Variants in THSD4 observed in about 807,000 individuals in gnomAD.
THSD4 encodes the protein thrombospondin type 1 domain containing 4.
Under a neutral mutation model 119.0 loss-of-function variants are expected in THSD4, and 69 were observed. The ratio of observed to expected loss-of-function variants is 0.58; its 90% CI spans 0.48 to 0.71. THSD4 has a LOEUF of 0.71. THSD4 is among the 30% of genes least tolerant of loss of function. The probability of loss-of-function intolerance (pLI) is 0.00; values close to 1 mark genes in which losing one functional copy is unlikely to be tolerated. For missense variants in THSD4, 1,393 were observed against 1,391.1 expected (o/e 1.00, Z -0.02); for synonymous variants, 524 against 540.4 (o/e 0.97, Z 0.42).
At chr15:71,727,031 A>G (rs979159700) in intron 8 of THSD4, among the ~76,000 whole-genome samples, 3 of 151,694 alleles carry the variant, frequency 2.0e-5, no homozygotes, top group Admixed American at 2.0e-4. Flanking sequence ...CTATTTCCAG[A>G]TGCCACCCTT....
intron 2 of THSD4, among the ~76,000 whole-genome samples, chr15:71,150,966 A>G (rs2040716436): frequency 6.6e-6 from 1 of 152,170 alleles, no homozygotes; most frequent in African/African-American, 2.4e-5. Context: ...TAGTGACAAA[A>G]CAAACTCCCT....
intron 7 of THSD4, among the ~76,000 whole-genome samples, chr15:71,480,874 C>T (rs2140665776): frequency 6.6e-6 from 1 of 152,344 alleles, no homozygotes; most frequent in East Asian, 1.9e-4. Flanking sequence ...CTACCATAGT[C>T]TATCTTCATT....
chr15:71,663,844 G>T (rs1402770595), intron 8 of THSD4, among the ~76,000 whole-genome samples: 2 of 152,086 alleles, frequency 1.3e-5, no homozygotes, highest in Non-Finnish European at 2.9e-5. Flanking sequence ...GTGAGTTCTG[G>T]CTATGAAAAC....
chr15:71,557,789 C>G (rs2049043381), intron 7 of THSD4, among the ~76,000 whole-genome samples: 1 of 152,154 alleles, frequency 6.6e-6, no homozygotes, highest in Non-Finnish European at 1.5e-5. Context: ...TAATTATCTA[C>G]AGCATCTGCA....
At chr15:71,543,549 T>C (rs970274261) in intron 7 of THSD4, among the ~76,000 whole-genome samples, 2 of 152,140 alleles carry the variant, frequency 1.3e-5, no homozygotes, top group Non-Finnish European at 2.9e-5. Context: ...GGGAATTATA[T>C]GGATAATGAT....
chr15:71,263,904 G>A (rs79901965), intron 6 of THSD4, among the ~76,000 whole-genome samples: 4,208 of 152,298 alleles, frequency 0.028, 92 homozygotes, highest in Middle Eastern at 0.048. Context: ...TGCCTTCCTC[G>A]TTAAGTCCAG....
At chr15:71,593,919 C>CT (rs1555430255) in intron 7 of THSD4, among the ~76,000 whole-genome samples, 2,980 of 149,752 alleles carry the variant, frequency 0.02, 95 homozygotes, top group African/African-American at 0.068. Flanking sequence ...CCCACCCCCC[C>CT]GGCAAAAAAA....
At chr15:71,515,012 C>T (rs1256065210) in intron 7 of THSD4, among the ~76,000 whole-genome samples, 1 of 152,178 alleles carries the variant, frequency 6.6e-6, no homozygotes, top group Non-Finnish European at 1.5e-5. Flanking sequence ...CATTTGCTCA[C>T]TTTTTTTCAG....
intron 2 of THSD4, among the ~76,000 whole-genome samples, chr15:71,151,244 C>G (rs1046010591): frequency 6.6e-6 from 1 of 152,066 alleles, no homozygotes; most frequent in African/African-American, 2.4e-5. Context: ...CTTTCCTGCC[C>G]CAAGTCCCCC....
chr15:71,484,167 T>C (rs77361892), intron 7 of THSD4, among the ~76,000 whole-genome samples: 3,458 of 152,322 alleles, frequency 0.023, 59 homozygotes, highest in Non-Finnish European at 0.027. Context: ...CGGAAACTTT[T>C]GGAATATTTT....
At chr15:71,457,778 T>C (rs1165038939) in intron 7 of THSD4, among the ~76,000 whole-genome samples, 1 of 152,224 alleles carries the variant, frequency 6.6e-6, no homozygotes, top group Non-Finnish European at 1.5e-5. Flanking sequence ...TCACACTGCC[T>C]GATTTTTCCC....
At chr15:71,116,406 T>C (rs1233550704) in intron 1 of THSD4, among the ~76,000 whole-genome samples, 1 of 152,200 alleles carries the variant, frequency 6.6e-6, no homozygotes, top group East Asian at 1.9e-4. Context: ...TGAAATAACA[T>C]CAGCCCTCAC....
chr15:71,615,287 G>T (rs185304500), intron 7 of THSD4, among the ~76,000 whole-genome samples: 1 of 152,204 alleles, frequency 6.6e-6, no homozygotes, highest in Admixed American at 6.5e-5. Context: ...CCTGGTCAGA[G>T]ACTCCAAAGG....
intron 7 of THSD4, among the ~76,000 whole-genome samples, chr15:71,538,520 T>C (rs980534680): frequency 7.9e-5 from 12 of 152,226 alleles, no homozygotes; most frequent in African/African-American, 2.9e-4. Context: ...TGTAAGAAAA[T>C]AAGATTTCAT....
chr15:71,186,639 A>C (rs1328652781), intron 3 of THSD4: 1 of 152,266 alleles, frequency 6.6e-6, no homozygotes, highest in Non-Finnish European at 1.5e-5. Flanking sequence ...TGAGCAAGTC[A>C]CTTAACTTCT....
chr15:71,515,131 C>G (rs2048339139), intron 7 of THSD4, among the ~76,000 whole-genome samples: 1 of 152,194 alleles, frequency 6.6e-6, no homozygotes. Context: ...ATGGTTTTAG[C>G]AATTTACATT....
chr15:71,627,275 A>G (rs1480977892), intron 7 of THSD4, among the ~76,000 whole-genome samples: 1 of 152,234 alleles, frequency 6.6e-6, no homozygotes, highest in Non-Finnish European at 1.5e-5. Flanking sequence ...GAAGATGTTC[A>G]GCTCATATGG....
At chr15:71,484,792 T>A (rs568254713) in intron 7 of THSD4, among the ~76,000 whole-genome samples, 2 of 152,302 alleles carry the variant, frequency 1.3e-5, no homozygotes, top group South Asian at 4.1e-4. Flanking sequence ...ACCCTTGTGA[T>A]GGAGTACGAC....
intron 10 of THSD4, among the ~76,000 whole-genome samples, chr15:71,736,462 CCTCT>C (rs1263549881): frequency 4.9e-5 from 7 of 142,992 alleles, no homozygotes; most frequent in Admixed American, 4.9e-4. Context: ...TCTCTCTTGC[CCTCT>C]CTGTCTCTCT....
Sources: gnomAD v4.1 joint callset for allele counts (sites outside exome capture counted in the v4.1 genomes callset) on GRCh38, gnomAD v4.1.1 for gene constraint, MANE v1.5 for transcripts, NCBI Gene and HGNC (gene_info 2026-07-23, HGNC 2026-07-21) for gene names.